ANKFN1: variants seen among roughly 807,000 people sequenced by gnomAD.
ANKFN1 encodes ankyrin repeat and fibronectin type III domain containing 1, also known as ankyrin repeat and fibronectin type-III domain-containing protein 1.
In ANKFN1, 74 loss-of-function variants were observed where a neutral mutation model predicts 108.7. The observed-to-expected ratio is 0.68, with a 90% CI of 0.56 to 0.83. The LOEUF (loss-of-function observed/expected upper bound fraction) is 0.83, where lower values mean the gene tolerates loss of function less well. Among genes scored for constraint, ANKFN1 ranks in the 40% least tolerant of loss-of-function variants. ANKFN1 has a pLI of 0.00. For synonymous variants in ANKFN1, 547 were observed against 516.2 expected (o/e 1.06, Z -0.81); for missense variants, 1,505 against 1,382.3 (o/e 1.09, Z -1.41).
At chr17:56,095,182 AT>A (rs1905509969) in intron 4 of ANKFN1, among the ~76,000 whole-genome samples, 2 of 151,260 alleles carry the variant, frequency 1.3e-5, no homozygotes, top group Non-Finnish European at 3.0e-5. Context: ...AATATTGCTG[AT>A]TTGGAAAAAT....
intron 3 of ANKFN1, among the ~76,000 whole-genome samples, chr17:56,304,657 GTTTTC>G (rs967956164): frequency 3.3e-5 from 5 of 151,654 alleles, no homozygotes; most frequent in African/African-American, 9.7e-5. Context: ...AACATTTGGT[GTTTTC>G]TTTTTTTTTT....
intron 1 of ANKFN1, among the ~76,000 whole-genome samples, chr17:56,185,586 G>A (rs1912119311): frequency 6.6e-6 from 1 of 152,168 alleles, no homozygotes; most frequent in Admixed American, 6.5e-5. Flanking sequence ...TATAAAACTT[G>A]TAGGAGGGAA....
In ANKFN1 at chr17:56,458,179, G is replaced by A. The variant is rs894780894; in HGVS notation, c.1557+200G>A. Among the ~76,000 whole-genome samples, 8 of 152,224 alleles carry A rather than the reference G, an allele frequency of 5.3e-5. 1 individual carries two copies. The highest frequency in any genetic ancestry group is 4.6e-4 in the Admixed American group (7 of 15,288). ...ATATAGGAAACCTGTACCTTTAGCA[G>A]TCTCCTCCAAGTGAGTCTCTCTTGA... On this transcript the variant is annotated intron_variant, in intron 14 of 20. Transcript: ENST00000682825.
intron 4 of ANKFN1, among the ~76,000 whole-genome samples, chr17:56,111,320 T>C (rs1051907606): frequency 4.6e-5 from 7 of 152,136 alleles, no homozygotes; most frequent in Non-Finnish European, 1.0e-4. Context: ...AGATGCTCAT[T>C]GCATCTTTCC....
chr17:56,252,089 A>G (rs1175592745), intron 3 of ANKFN1: 2 of 152,248 alleles, frequency 1.3e-5, no homozygotes, highest in Admixed American at 1.3e-4. Context: ...ATCATAAGCT[A>G]GCTTCCATTT....
chr17:56,126,449 A>G (rs1369135690), intron 4 of ANKFN1, among the ~76,000 whole-genome samples: 1 of 152,072 alleles, frequency 6.6e-6, no homozygotes, highest in Non-Finnish European at 1.5e-5. Context: ...GCTTCGTCAT[A>G]TGTTCCAATT....
At chr17:56,138,821 A>G (rs1210392236) in intron 4 of ANKFN1, among the ~76,000 whole-genome samples, 1 of 151,770 alleles carries the variant, frequency 6.6e-6, no homozygotes, top group African/African-American at 2.4e-5. Context: ...ACAACACTCA[A>G]CTTCTATTTG....
rs188649904 is a variant in ANKFN1 at position 56,079,464 on chromosome 17, G to T, written c.288+33139G>T. 2.2e-3 allele frequency among the ~76,000 whole-genome samples: 333 copies of T among 152,252 alleles called. 1 individual carries two copies. The highest frequency in any genetic ancestry group is 7.6e-3 in the African/African-American group (317 of 41,548). The stretch of plus-strand genomic sequence containing the variant: ...TGACCACAGCCAGATGATGGCACAA[G>T]CTCCTGGAAGCTGACCTGCCCCATT... On this transcript the variant is annotated intron_variant, in intron 4 of 12. Coordinates refer to the ANKFN1 transcript ENST00000635860.
At chr17:56,398,158 G>T (rs574188175) in intron 8 of ANKFN1, among the ~76,000 whole-genome samples, 1 of 152,124 alleles carries the variant, frequency 6.6e-6, no homozygotes, top group Non-Finnish European at 1.5e-5. Context: ...TATTCTCCAT[G>T]AGAGCAGAGA....
Position 56,303,322 on chromosome 17 carries a change from A to G in ANKFN1, c.54-22899A>G, listed in dbSNP as rs1567898147. Among the ~76,000 whole-genome samples the G allele has an allele frequency of 3.3e-5, 5 of 152,314 alleles. No homozygotes were observed. The South Asian group carries it at 6.2e-4, about 19-fold the overall frequency. ...ATTTGTTGGTGTTGGGGATGAGGGT[A>G]CAGGCGTGTGCAAAGTGCTGCACTG... On this transcript the variant is annotated intron_variant, in intron 3 of 20. Coordinates refer to ENST00000682825, the MANE Select transcript of ANKFN1 (RefSeq NM_001370326.1).
At chr17:56,398,577 G>A (rs1453005699) in intron 8 of ANKFN1, among the ~76,000 whole-genome samples, 1 of 152,100 alleles carries the variant, frequency 6.6e-6, no homozygotes, top group Non-Finnish European at 1.5e-5. Context: ...GTTAAATAAA[G>A]CTGATGATCC....
chr17:56,255,963 C>T (rs569123535), intron 3 of ANKFN1, among the ~76,000 whole-genome samples: 6 of 152,050 alleles, frequency 3.9e-5, no homozygotes, highest in South Asian at 2.1e-4. Flanking sequence ...TGCTTGAGAC[C>T]GGGAGTTCCA....
intron 15 of ANKFN1, chr17:56,471,144 AG>A (rs746521356): frequency 6.6e-6 from 1 of 152,568 alleles, no homozygotes; most frequent in Non-Finnish European, 1.5e-5. Context: ...GTGAATTTCA[AG>A]GAAGTACCTT....
At chr17:56,169,521 C>T in intron 1 of ANKFN1, among the ~76,000 whole-genome samples, 1 of 152,182 alleles carries the variant, frequency 6.6e-6, no homozygotes, top group East Asian at 1.9e-4. Context: ...CCTTTCACTT[C>T]AGCCTCCCAA....
intron 4 of ANKFN1, among the ~76,000 whole-genome samples, chr17:56,090,754 G>A (rs1000170688): frequency 2.0e-5 from 3 of 150,698 alleles, no homozygotes; most frequent in Non-Finnish European, 3.0e-5. Context: ...CTACAGGCAC[G>A]CACCTCCACA....
chr17:56,354,020 G>A lies in ANKFN1; in HGVS notation c.575G>A (p.Arg192Lys). 6.2e-7 allele frequency: 1 copy of A among 1,613,906 alleles called. No individual in the cohort carries two copies. Among genetic ancestry groups the A allele is most frequent in the Non-Finnish European group, 8.5e-7 (1 of 1,179,942 alleles). ...NNVPIARILL[R>K]TGARESPHFV... ...GTGCCCATTGCAAGGATTCTTCTGA[G>A]GACAGGGGCCCGAGAAAGTCCACAC... The change falls in exon 6 of 21, where the codon AGG (arginine) becomes AAG (lysine). Residue 192 changes from arginine to lysine, a missense_variant. Physicochemically the swap from Arg to Lys is conservative, Grantham distance 26. Transcript: ENST00000682825.
intron 8 of ANKFN1, among the ~76,000 whole-genome samples, chr17:56,432,929 C>T (rs1191161813): frequency 5.3e-5 from 8 of 152,102 alleles, no homozygotes; most frequent in Admixed American, 5.2e-4. Context: ...GAGCAATCAT[C>T]TAGCATTTAT....
chr17:56,180,762 C>G (rs1197231098), intron 1 of ANKFN1, among the ~76,000 whole-genome samples: 1 of 152,136 alleles, frequency 6.6e-6, no homozygotes, highest in East Asian at 1.9e-4. Context: ...AAAGCATAAA[C>G]AGTAAAATTG....
chr17:56,222,895 A>C (rs1209830501), intron 2 of ANKFN1, among the ~76,000 whole-genome samples: 1 of 152,224 alleles, frequency 6.6e-6, no homozygotes, highest in Non-Finnish European at 1.5e-5. Context: ...CACGTCTAAA[A>C]GTAAATGTTC....
Sources: gnomAD v4.1 joint callset for allele counts (sites outside exome capture counted in the v4.1 genomes callset) on GRCh38, gnomAD v4.1.1 for gene constraint, MANE v1.5 for transcripts, NCBI Gene and HGNC (gene_info 2026-07-23, HGNC 2026-07-21) for gene names.